AGBL1: variants seen among roughly 807,000 people sequenced by gnomAD.
The protein encoded by AGBL1 is cytosolic carboxypeptidase 4.
In AGBL1, 130 loss-of-function variants were observed where a neutral mutation model predicts 118.9. That is an observed-to-expected ratio of 1.09 (90% CI 0.95 to 1.26). The LOEUF (loss-of-function observed/expected upper bound fraction) is 1.26, where lower values mean the gene tolerates loss of function less well. AGBL1 is among the 50% of genes most tolerant of loss of function. The pLI, the probability that AGBL1 is intolerant of heterozygous loss-of-function variation, is 0.00. For missense variants in AGBL1, 1,584 were observed against 1,298.1 expected (o/e 1.22, Z -3.38); for synonymous variants, 555 against 478.9 (o/e 1.16, Z -2.08).
intron 18 of AGBL1, among the ~76,000 whole-genome samples, chr15:86,474,221 G>A (rs528294380): frequency 5.3e-5 from 8 of 152,210 alleles, no homozygotes; most frequent in East Asian, 3.9e-4. Flanking sequence ...CTTGTCGGAC[G>A]GTGGGTGCAG....
At chr15:86,882,806 G>T (rs1412491536) in intron 22 of AGBL1, among the ~76,000 whole-genome samples, 1 of 152,102 alleles carries the variant, frequency 6.6e-6, no homozygotes, top group Non-Finnish European at 1.5e-5. Flanking sequence ...AGAGGAGAGA[G>T]AGGTCTTTAT....
intron 23 of AGBL1, among the ~76,000 whole-genome samples, chr15:86,968,439 C>T (rs28690712): frequency 0.014 from 2,181 of 152,014 alleles, 54 homozygotes; most frequent in African/African-American, 0.05. Flanking sequence ...CAATTAATTG[C>T]TTACATCGCA....
At chr15:86,155,130 G>T (rs62012455) in intron 4 of AGBL1, among the ~76,000 whole-genome samples, 1 of 152,054 alleles carries the variant, frequency 6.6e-6, no homozygotes, top group Non-Finnish European at 1.5e-5. Flanking sequence ...TAGTAATTTT[G>T]TATTTAGACC....
rs562653325 is a variant in AGBL1 at position 86,947,186 on chromosome 15, C to T, written c.3222-40801C>T. On this transcript the variant is annotated intron_variant, in intron 23 of 24. Transcript: ENST00000441037. ...TGAATAATGAATAATGAAAGCTGCC[C>T]GGCTCCTGTTGACTAAGTATATGCT... 1.3e-3 allele frequency among the ~76,000 whole-genome samples: 193 copies of T among 152,190 alleles called. 1 individual carries two copies. The highest frequency in any genetic ancestry group is 4.3e-3 in the African/African-American group (177 of 41,524).
chr15:86,383,955 T>C (rs2081147179), intron 17 of AGBL1, among the ~76,000 whole-genome samples: 1 of 152,240 alleles, frequency 6.6e-6, no homozygotes, highest in South Asian at 2.1e-4. Context: ...TTCTTCAAGA[T>C]TGTTATCTCT....
chr15:86,816,050 G>A (rs981822460), intron 22 of AGBL1, among the ~76,000 whole-genome samples: 2 of 152,094 alleles, frequency 1.3e-5, no homozygotes, highest in Non-Finnish European at 2.9e-5. Flanking sequence ...TATGGGATAA[G>A]GACACAGTAA....
At chr15:86,549,534 A>G (rs1457713606) in intron 20 of AGBL1, among the ~76,000 whole-genome samples, 2 of 152,092 alleles carry the variant, frequency 1.3e-5, no homozygotes. Flanking sequence ...AAACATTTAA[A>G]AAATAGAATC....
intron 22 of AGBL1, among the ~76,000 whole-genome samples, chr15:86,869,346 C>A (rs1188785979): frequency 6.6e-6 from 1 of 152,142 alleles, no homozygotes; most frequent in Non-Finnish European, 1.5e-5. Context: ...ACAGAGAATC[C>A]AGCTGCAGGT....
chr15:86,600,940 T>C (rs2084483547), intron 21 of AGBL1, among the ~76,000 whole-genome samples: 1 of 152,144 alleles, frequency 6.6e-6, no homozygotes, highest in African/African-American at 2.4e-5. Flanking sequence ...TGTAACAGTA[T>C]TCCCTGTAAG....
intron 22 of AGBL1, among the ~76,000 whole-genome samples, chr15:86,878,130 C>T (rs2079839055): frequency 6.6e-6 from 1 of 152,184 alleles, no homozygotes; most frequent in Non-Finnish European, 1.5e-5. Context: ...CCTGTGTTTG[C>T]TTTTGTGTCA....
At chr15:86,137,927 A>G (rs1463503888) in intron 1 of AGBL1, among the ~76,000 whole-genome samples, 1 of 152,252 alleles carries the variant, frequency 6.6e-6, no homozygotes, top group Non-Finnish European at 1.5e-5. Context: ...GATTTAATAT[A>G]TACCATATGC....
intron 22 of AGBL1, among the ~76,000 whole-genome samples, chr15:86,692,376 A>G (rs553801687): frequency 6.6e-6 from 1 of 152,084 alleles, no homozygotes; most frequent in East Asian, 1.9e-4. Context: ...CCTTGGGAAA[A>G]GCAGAAGTGG....
At chr15:86,400,230 A>G (rs1333285459) in intron 18 of AGBL1, among the ~76,000 whole-genome samples, 3 of 152,022 alleles carry the variant, frequency 2.0e-5, no homozygotes, top group African/African-American at 7.2e-5. Flanking sequence ...TTGTCCTGTG[A>G]GCTTCACCCA....
At chr15:86,113,242 CT>C (rs373989844) in intron 1 of AGBL1, among the ~76,000 whole-genome samples, 4 of 68,324 alleles carry the variant, frequency 5.9e-5, no homozygotes, top group Non-Finnish European at 8.3e-5. Context: ...CTTTTCTTTT[CT>C]TTTCTTTTCT....
At chr15:86,380,142 AC>A (rs2081092023) in intron 17 of AGBL1, among the ~76,000 whole-genome samples, 1 of 152,076 alleles carries the variant, frequency 6.6e-6, no homozygotes, top group Non-Finnish European at 1.5e-5. Flanking sequence ...AAAACTGACG[AC>A]CAAAAAATTC....
At chr15:86,650,781 C>T (rs547204982) in intron 21 of AGBL1, among the ~76,000 whole-genome samples, 106 of 152,278 alleles carry the variant, frequency 7.0e-4, no homozygotes, top group Admixed American at 3.9e-4. Flanking sequence ...GCTTCTTTCC[C>T]GAGCTCCCTC....
At chr15:86,674,726 A>C (rs778911523) in intron 22 of AGBL1, among the ~76,000 whole-genome samples, 3 of 152,146 alleles carry the variant, frequency 2.0e-5, no homozygotes, top group Non-Finnish European at 4.4e-5. Flanking sequence ...ATCTACATAC[A>C]CTTATATTTA....
chr15:86,755,175 A>G (rs2077917461), intron 22 of AGBL1, among the ~76,000 whole-genome samples: 1 of 152,144 alleles, frequency 6.6e-6, no homozygotes, highest in Admixed American at 6.6e-5. Flanking sequence ...GAAAAAGGAA[A>G]GGAGGGAGCA....
intron 21 of AGBL1, among the ~76,000 whole-genome samples, chr15:86,625,031 C>T (rs1442985986): frequency 6.6e-6 from 1 of 152,186 alleles, no homozygotes; most frequent in Non-Finnish European, 1.5e-5. Flanking sequence ...GGACTGGTGA[C>T]AGCCCCACAC....
Sources: gnomAD v4.1 joint callset for allele counts (sites outside exome capture counted in the v4.1 genomes callset) on GRCh38, gnomAD v4.1.1 for gene constraint, MANE v1.5 for transcripts, NCBI Gene and HGNC (gene_info 2026-07-23, HGNC 2026-07-21) for gene names.